Variants in NAV1 observed in about 807,000 individuals in gnomAD.
The protein encoded by NAV1 is neuron navigator 1.
In NAV1, 18 loss-of-function variants were observed where a neutral mutation model predicts 175.2. The ratio of observed to expected loss-of-function variants is 0.10; its 90% confidence interval spans 0.07 to 0.15. The LOEUF is 0.15. Ranked by LOEUF, NAV1 falls within the 10% of genes least tolerant of loss-of-function variation. The pLI is 1.00. For missense variants in NAV1, 1,731 were observed against 2,436.6 expected, an observed-to-expected ratio of 0.71 and a Z score of 6.10; for synonymous variants, 897 against 978.7, an observed-to-expected ratio of 0.92 and a Z score of 1.56.
intron 1 of NAV1, among the ~76,000 whole-genome samples, chr1:201,685,636 T>C (rs1382270100): frequency 3.3e-5 from 5 of 152,238 alleles, no homozygotes; most frequent in Admixed American, 2.0e-4. Context: ...AGTCCCTGCC[T>C]GTCCCCCTTG....
At chr1:201,593,428 A>G (rs1051891579) in intron 2 of NAV1, among the ~76,000 whole-genome samples, 6 of 152,158 alleles carry the variant, frequency 3.9e-5, no homozygotes, top group African/African-American at 1.2e-4. Flanking sequence ...ACTCTCTAAC[A>G]TCTACCTCTG....
intron 3 of NAV1, among the ~76,000 whole-genome samples, chr1:201,751,561 C>T (rs1451172868): frequency 6.6e-6 from 1 of 152,232 alleles, no homozygotes; most frequent in Admixed American, 6.5e-5. Context: ...AATCCAATCT[C>T]ATGGGGTGTT....
intron 3 of NAV1, among the ~76,000 whole-genome samples, chr1:201,731,983 C>T (rs754728559): frequency 2.6e-5 from 4 of 152,198 alleles, no homozygotes; most frequent in African/African-American, 4.8e-5. Flanking sequence ...CTGGATTTAG[C>T]CAGGGAAAAT....
chr1:201,825,447 C>T (rs2102857261), exon 30 of NAV1: 1 of 152,286 alleles, frequency 6.6e-6, no homozygotes, highest in African/African-American at 2.4e-5. Context: ...GCCAGAACCT[C>T]CTTCTGTATG....
intron 15 of NAV1, among the ~76,000 whole-genome samples, chr1:201,800,022 G>C (rs905757073): frequency 6.6e-6 from 1 of 151,280 alleles, no homozygotes; most frequent in Non-Finnish European, 1.5e-5. Context: ...TTTTTTGAGA[G>C]AGGGTATCAC....
intron 1 of NAV1, among the ~76,000 whole-genome samples, chr1:201,661,966 T>C (rs1669629461): frequency 6.6e-6 from 1 of 152,252 alleles, no homozygotes; most frequent in Admixed American, 6.5e-5. Context: ...GTGGGTTAGG[T>C]ACTACTCTTA....
At chr1:201,672,896 G>A (rs564737846) in intron 1 of NAV1, among the ~76,000 whole-genome samples, 5 of 152,198 alleles carry the variant, frequency 3.3e-5, no homozygotes, top group African/African-American at 9.7e-5. Flanking sequence ...CCCTGTGGAC[G>A]CACATAGACT....
chr1:201,810,771 C>A lies in NAV1; in HGVS notation c.4797+13C>A, dbSNP rs372203041. ...GCAGTCTTGCAAGGTGGCTGCCCCCCGACACCCCTGCCAGCCTTTGTTCAT... is the reference window on the plus strand; with the variant it reads ...GCAGTCTTGCAAGGTGGCTGCCCCCAGACACCCCTGCCAGCCTTTGTTCAT... On this transcript the variant is annotated intron_variant, in intron 24 of 29. Coordinates refer to ENST00000367296, the Ensembl canonical transcript of NAV1. The surrounding 1 kb of genome is among the most constrained non-coding windows in gnomAD (Gnocchi z 6.0). The A allele has an allele frequency of 3.7e-5, 59 of 1,604,028 alleles. No individual in the cohort carries two copies. The highest frequency in any genetic ancestry group is 4.9e-5 in the Non-Finnish European group (57 of 1,172,048).
At chr1:201,728,270 C>T (rs1672692950) in intron 3 of NAV1, among the ~76,000 whole-genome samples, 1 of 152,092 alleles carries the variant, frequency 6.6e-6, no homozygotes, top group Non-Finnish European at 1.5e-5. Flanking sequence ...TAGAGGCACA[C>T]ATCACCACAC....
chr1:201,809,004 C>A, intron 20 of NAV1, 133 bp downstream of exon 24: 1 of 1,319,138 alleles, frequency 7.6e-7, no homozygotes, highest in Non-Finnish European at 1.1e-6. Flanking sequence ...TCCTAAGACA[C>A]TGAGTTGTAA....
intron 3 of NAV1, among the ~76,000 whole-genome samples, chr1:201,765,381 C>CTTTTTTTTTT (rs59583786): frequency 4.2e-4 from 41 of 98,622 alleles, no homozygotes; most frequent in Non-Finnish European, 5.2e-4. Flanking sequence ...AGGAAATATT[C>CTTTTTTTTTT]TTTTTTTTTT....
intron 15 of NAV1, chr1:201,797,031 G>A (rs1292733871): frequency 2.0e-5 from 3 of 152,120 alleles, no homozygotes; most frequent in Non-Finnish European, 4.4e-5. Flanking sequence ...TTGGCTACTT[G>A]TGCTTTAGGT....
At chr1:201,557,805 A>G (rs376824143) in intron 1 of NAV1, among the ~76,000 whole-genome samples, 2 of 152,316 alleles carry the variant, frequency 1.3e-5, no homozygotes, top group East Asian at 3.9e-4. Context: ...GAAGAGAGAC[A>G]GGAAGAAAGC....
intron 1 of NAV1, among the ~76,000 whole-genome samples, chr1:201,676,690 G>A (rs1187928561): frequency 3.3e-5 from 5 of 152,162 alleles, no homozygotes; most frequent in African/African-American, 1.2e-4. Context: ...TGCAGCCCAA[G>A]CCCTTTCTGG....
chr1:201,623,086 T>A, exon 1 of NAV1: 1 of 985,572 alleles, frequency 1.0e-6, no homozygotes, highest in Non-Finnish European at 1.2e-6. Context: ...TTCTAGAAAC[T>A]CCTCTCCTAG....
At chr1:201,733,251 G>A (rs1372738184) in intron 3 of NAV1, among the ~76,000 whole-genome samples, 5 of 152,044 alleles carry the variant, frequency 3.3e-5, no homozygotes, top group South Asian at 2.1e-4. Context: ...ATGGTGATGC[G>A]TGCCTGTAGT....
intron 1 of NAV1, among the ~76,000 whole-genome samples, chr1:201,555,667 G>A (rs920265543): frequency 6.6e-5 from 10 of 152,188 alleles, no homozygotes; most frequent in African/African-American, 2.4e-4. Flanking sequence ...CCTTAGTGAG[G>A]CTCAGAAGGA....
At chr1:201,715,971 C>G (rs183346702) in intron 2 of NAV1, among the ~76,000 whole-genome samples, 1 of 151,926 alleles carries the variant, frequency 6.6e-6, no homozygotes, top group East Asian at 1.9e-4. Flanking sequence ...TCCCCCTCAC[C>G]AAGCTTAAGT....
rs555291426 is a variant in NAV1 at position 201,807,259 on chromosome 1, T to C, written c.3649-694T>C. 4.6e-5 allele frequency among the ~76,000 whole-genome samples: 7 copies of C among 152,328 alleles called. No homozygotes were observed. Among genetic ancestry groups the C allele is most frequent in the African/African-American group, 1.7e-4 (7 of 41,582 alleles). On this transcript the variant is annotated intron_variant, in intron 17 of 29. Coordinates refer to ENST00000367296, the Ensembl canonical transcript of NAV1. This position sits in a 1 kb window ranked among gnomAD's most constrained non-coding sequence, Gnocchi z 5.4. ...CCTTCTTCTAGGACATTGGAAATCA[T>C]AGAAAATGCTGTCTGGCTGTTTTAA...
Sources: allele counts gnomAD v4.1 joint callset (sites outside exome capture counted in the v4.1 genomes callset), GRCh38; gene constraint gnomAD v4.1.1; non-coding constraint Gnocchi (gnomAD v3.1); transcripts MANE v1.5; gene names NCBI Gene and HGNC (gene_info 2026-07-23, HGNC 2026-07-21).